Variants in FAM98B observed in about 807,000 individuals in gnomAD.
FAM98B encodes tRNA-splicing ligase complex subunit FAM98B.
In FAM98B, 32 loss-of-function variants were observed where a neutral mutation model predicts 43.9. The observed-to-expected ratio is 0.73, with a 90% confidence interval of 0.55 to 0.98. FAM98B has a LOEUF of 0.98. FAM98B is among the 50% of genes least tolerant of loss of function. FAM98B has a pLI of 0.00. For missense variants in FAM98B, 514 were observed against 522.9 expected (o/e 0.98, Z 0.17); for synonymous variants, 190 against 174.0 (o/e 1.09, Z -0.72).
intron 4 of FAM98B, among the ~76,000 whole-genome samples, chr15:38,472,292 T>A (rs1375809316): frequency 1.3e-5 from 2 of 152,038 alleles, no homozygotes; most frequent in Non-Finnish European, 2.9e-5. Flanking sequence ...AAACCTAAAA[T>A]TGGATATATT....
At chr15:38,465,486 G>A in intron 3 of FAM98B, 83 bp downstream of exon 3, 1 of 1,292,024 alleles carries the variant, frequency 7.7e-7, no homozygotes, top group Non-Finnish European at 1.0e-6. Context: ...TGAAGCATTA[G>A]ACATTTTGTA....
intron 7 of FAM98B, 145 bp downstream of exon 7, chr15:38,481,604 G>A: frequency 6.3e-7 from 1 of 1,595,418 alleles, no homozygotes; most frequent in Non-Finnish European, 8.6e-7. Flanking sequence ...GCTTAGTTAT[G>A]TTATTTTTGT....
intron 6 of FAM98B, among the ~76,000 whole-genome samples, chr15:38,475,354 A>G (rs992869693): frequency 6.6e-6 from 1 of 152,164 alleles, no homozygotes; most frequent in African/African-American, 2.4e-5. Context: ...GGCTGCTGTG[A>G]AAGTTTACCA....
chr15:38,466,998 A>G (rs781076117), intron 3 of FAM98B, among the ~76,000 whole-genome samples: 1 of 152,184 alleles, frequency 6.6e-6, no homozygotes, highest in African/African-American at 2.4e-5. Context: ...TTGAAAAACT[A>G]AATTGGCTCT....
intron 6 of FAM98B, among the ~76,000 whole-genome samples, chr15:38,477,288 G>C (rs1209250812): frequency 6.7e-6 from 1 of 148,822 alleles, no homozygotes; most frequent in Non-Finnish European, 1.5e-5. Context: ...TTCTCAGGAA[G>C]ATAAACCTCA....
intron 6 of FAM98B, among the ~76,000 whole-genome samples, chr15:38,478,318 T>C (rs1373762823): frequency 6.6e-6 from 1 of 152,192 alleles, no homozygotes; most frequent in African/African-American, 2.4e-5. Context: ...GTTTTTTTCT[T>C]ATTTGGGAAG....
At position 38,484,295 on chromosome 15, in the gene FAM98B, A is replaced by T; in HGVS notation, c.938A>T (p.Asn313Ile). The T allele has an allele frequency of 6.5e-7, 1 of 1,548,770 alleles. No individual in the cohort carries two copies. The highest frequency in any genetic ancestry group is 2.4e-5 in the East Asian group (1 of 40,820). ...GTGCCTGACAGGGGAGGCCGGCCGA[A>T]TGAAATTGAACCACCACCTCCAGAA... is the stretch of plus-strand genomic sequence containing the variant. ...GRVPDRGGRP[N>I]EIEPPPPEMP... The change falls in exon 8 of 8, where the codon AAT (asparagine) becomes ATT (isoleucine). Residue 313 changes from asparagine to isoleucine, a missense_variant. Physicochemically the swap from Asn to Ile is moderately radical, Grantham distance 149. This residue lies in a region of FAM98B where 469 missense variants were observed against 451.8 expected (regional missense o/e 1.04). Transcript: ENST00000397609.
Position 38,470,270 on chromosome 15 carries a change from C to A in FAM98B, c.396C>A (p.Asn132Lys), listed in dbSNP as rs1296792116. Reference sequence around the variant, plus strand: ...TTCAAGCTTCACAGATATTACAGAACAAGAAACATAAAAATTCTCAATTAG... The same window carrying A: ...TTCAAGCTTCACAGATATTACAGAAAAAGAAACATAAAAATTCTCAATTAG... ...TELQASQILQ[N>K]KKHKNSQLDK... The change falls in exon 4 of 8, where the codon AAC becomes AAA. Residue 132 changes from asparagine to lysine, a missense_variant. Asn to Lys is a moderately conservative substitution (Grantham distance 94). This residue lies in a region of FAM98B where 469 missense variants were observed against 451.8 expected (regional missense o/e 1.04). Transcript: ENST00000397609. The A allele has an allele frequency of 6.4e-7, 1 of 1,571,680 alleles. No homozygotes were observed. The highest frequency in any genetic ancestry group is 8.7e-7 in the Non-Finnish European group (1 of 1,155,350).
chr15:38,485,572 C>T lies in FAM98B; in HGVS notation c.*913C>T, dbSNP rs1475192105. On this transcript the variant is annotated 3_prime_UTR_variant, in exon 8 of 8. Transcript: ENST00000397609. Reference sequence around the variant, plus strand: ...GATTCACAGCTAGATTTGGGAAACACAAAGTTAGGGAATGGCTATATGTGA... The same window carrying T: ...GATTCACAGCTAGATTTGGGAAACATAAAGTTAGGGAATGGCTATATGTGA... 1.3e-5 allele frequency: 2 copies of T among 152,130 alleles called. No individual in the cohort carries two copies. Among genetic ancestry groups the T allele is most frequent in the Non-Finnish European group, 2.9e-5 (2 of 68,028 alleles). The allele number at this position is 152,130 out of a possible 1,614,324, so 9.4% of individuals were successfully genotyped here.
chr15:38,460,190 T>A (rs1275019317), intron 1 of FAM98B, among the ~76,000 whole-genome samples: 1 of 152,170 alleles, frequency 6.6e-6, no homozygotes, highest in Non-Finnish European at 1.5e-5. Context: ...GTGTTTGGAA[T>A]AACAGTAGCA....
intron 7 of FAM98B, 146 bp from the exon 8 acceptor site, chr15:38,484,109 T>A: frequency 1.5e-6 from 1 of 668,000 alleles, no homozygotes. Context: ...ACACTTAATA[T>A]TTTTAATATT....
At chr15:38,459,003 G>A in intron 1 of FAM98B, 1 of 358,670 alleles carries the variant, frequency 2.8e-6, no homozygotes, top group Non-Finnish European at 5.7e-6. Flanking sequence ...CATGGAATAG[G>A]TGAGCCCGGA....
At position 38,466,312 on chromosome 15, in the gene FAM98B, C is replaced by T. The variant is rs556868654; in HGVS notation, c.352+909C>T. 9.9e-5 allele frequency among the ~76,000 whole-genome samples: 15 copies of T among 151,796 alleles called. 1 individual carries two copies. The highest frequency in any genetic ancestry group is 1.6e-4 in the Non-Finnish European group (11 of 67,940). ...GCCCTCTCTCTCCATCCCAATACAC[C>T]ATTCTCCATCTTCCTCCCATTTGGT... On this transcript the variant is annotated intron_variant, in intron 3 of 7. Transcript: ENST00000397609.
chr15:38,480,467 G>A (rs1890265738), intron 6 of FAM98B, among the ~76,000 whole-genome samples: 1 of 152,070 alleles, frequency 6.6e-6, no homozygotes, highest in Non-Finnish European at 1.5e-5. Flanking sequence ...ATAGCAAACT[G>A]TTATCTATAC....
rs185764422 is a variant in FAM98B, at chr15:38,457,302, C to T, written c.71+3070C>T. 1.6e-3 allele frequency among the ~76,000 whole-genome samples: 244 copies of T among 152,284 alleles called. 2 individuals are homozygous for T. The highest frequency in any genetic ancestry group is 2.7e-3 in the East Asian group (14 of 5,190). The stretch of plus-strand genomic sequence containing the variant: ...AAAGTGTTGGGATTACAGGTGTGAG[C>T]CACCACGCCCCAACAGATTAATTTC... On this transcript the variant is annotated intron_variant, in intron 1 of 7. Transcript: ENST00000397609.
intron 4 of FAM98B, chr15:38,470,799 T>C (rs949400138): frequency 1.9e-5 from 3 of 155,730 alleles, no homozygotes; most frequent in African/African-American, 7.2e-5. Flanking sequence ...AATTGCAGAG[T>C]GGTTTCTTTG....
Position 38,480,465 on chromosome 15 carries a change from C to T in FAM98B, c.730-827C>T, listed in dbSNP as rs546240058. ...AATTAGATGGAGGTAGGATAGCAAA[C>T]TGTTATCTATACTAGACCTGTGCTT... On this transcript the variant is annotated intron_variant, in intron 6 of 7. Coordinates refer to ENST00000397609, the MANE Select transcript of FAM98B (RefSeq NM_173611.4). 6.6e-5 allele frequency among the ~76,000 whole-genome samples: 10 copies of T among 152,160 alleles called. No homozygotes were observed. The South Asian group carries it at 2.1e-3, about 32-fold the overall frequency.
chr15:38,461,540 A>G (rs1237316373), intron 1 of FAM98B, among the ~76,000 whole-genome samples: 1 of 115,042 alleles, frequency 8.7e-6, no homozygotes, highest in East Asian at 2.0e-4. Flanking sequence ...ATTAAATGAA[A>G]TATATATATA....
In FAM98B at chr15:38,454,160, C is replaced by A; in HGVS notation, c.-2C>A. On this transcript the variant is annotated 5_prime_UTR_variant, in exon 1 of 8. Coordinates refer to ENST00000397609, the MANE Select transcript of FAM98B (RefSeq NM_173611.4). ...CGCCGAACAGCTCTGGGCCAAAGGA[C>A]CATGAGAGGGCCGGAGCCGGGTCCC... The A allele has an allele frequency of 6.3e-7, 1 of 1,595,090 alleles. No individual in the cohort carries two copies.
Sources: gnomAD v4.1 joint callset for allele counts (sites outside exome capture counted in the v4.1 genomes callset) on GRCh38, gnomAD v4.1.1 for gene constraint, gnomAD v4.1.1 regional missense constraint, MANE v1.5 for transcripts, NCBI Gene and HGNC (gene_info 2026-07-23, HGNC 2026-07-21) for gene names.